The following ARHGAP15 variants were observed in gnomAD, a reference collection of about 807,000 sequenced individuals.
The protein encoded by ARHGAP15 is Rho GTPase activating protein 15.
Under a neutral mutation model 63.7 loss-of-function variants are expected in ARHGAP15, and 51 were observed. That is an observed-to-expected ratio of 0.80 (90% CI 0.64 to 1.01). ARHGAP15 has a LOEUF of 1.01. Among genes scored for constraint, ARHGAP15 ranks in the 50% least tolerant of loss-of-function variants. The probability of loss-of-function intolerance (pLI) is 0.00; values close to 1 mark genes in which losing one functional copy is unlikely to be tolerated. For synonymous variants in ARHGAP15, 191 were observed against 193.8 expected, an observed-to-expected ratio of 0.99 and a Z score of 0.12; for missense variants, 560 against 564.6, an observed-to-expected ratio of 0.99 and a Z score of 0.08.
At chr2:143,235,817 C>T in intron 5 of ARHGAP15, 1 of 1,060,796 alleles carries the variant, frequency 9.4e-7, no homozygotes, top group Non-Finnish European at 1.3e-6. Flanking sequence ...TCTTCTCAGG[C>T]CTTGACTCAC....
chr2:143,673,756 GTGTATATATATATA>G lies in ARHGAP15; in HGVS notation c.1139-29661_1139-29648del, dbSNP rs1340630660. ...TGTGTGTGTGTGTGTGTGTGTGTGT[GTGTATATATATATA>G]TATATATATATATAAACAACTCCTG... On this transcript the variant is annotated intron_variant, in intron 12 of 13. Coordinates refer to ENST00000295095, the MANE Select transcript of ARHGAP15 (RefSeq NM_018460.4). 3.9e-4 allele frequency among the ~76,000 whole-genome samples: 12 copies of G among 30,992 alleles called. No individual in the cohort carries two copies. The East Asian group carries it at 0.022, about 58-fold the overall frequency. 20.3% of individuals were successfully genotyped at this position (30,992 alleles called of 152,430 possible). A position where few individuals can be genotyped will look rare whatever the true frequency, so the allele number is the denominator to read the frequency against.
At chr2:143,683,023 C>A (rs1048125342) in intron 12 of ARHGAP15, 39 of 152,220 alleles carry the variant, frequency 2.6e-4, no homozygotes, top group African/African-American at 8.7e-4. Context: ...AAAAAGATTT[C>A]TTTAAGAAGA....
chr2:143,624,121 G>C lies in ARHGAP15; in HGVS notation c.1004-12G>C. 6.2e-7 allele frequency: 1 copy of C among 1,611,604 alleles called. No homozygotes were observed. Among genetic ancestry groups the C allele is most frequent in the South Asian group, 1.1e-5 (1 of 90,850 alleles). On this transcript the variant is annotated splice_polypyrimidine_tract_variant and intron_variant, in intron 11 of 13. Coordinates refer to ENST00000295095, the MANE Select transcript of ARHGAP15 (RefSeq NM_018460.4). ...AAAACCAGTTGTTCCATTTCTCCTC[G>C]TGTTTTCCCAGAAGAGAAGCTGAAT... is the stretch of plus-strand genomic sequence containing the variant.
chr2:143,402,564 T>G (rs942034533), intron 6 of ARHGAP15, among the ~76,000 whole-genome samples: 2 of 145,124 alleles, frequency 1.4e-5, no homozygotes, highest in African/African-American at 2.5e-5. Context: ...GCTAATTTTA[T>G]TTTCTAAATT....
chr2:143,572,371 T>C (rs151181243), intron 11 of ARHGAP15, among the ~76,000 whole-genome samples: 66 of 152,250 alleles, frequency 4.3e-4, no homozygotes, highest in Non-Finnish European at 8.2e-4. Flanking sequence ...ACTTTCTCCA[T>C]AGTCATACTC....
intron 8 of ARHGAP15, among the ~76,000 whole-genome samples, chr2:143,460,245 G>A (rs553433989): frequency 8.1e-4 from 124 of 152,286 alleles, no homozygotes; most frequent in Non-Finnish European, 2.6e-4. Flanking sequence ...CTCACAAAGT[G>A]TGTACTATGT....
chr2:143,538,024 T>C (rs1694860731), intron 10 of ARHGAP15, among the ~76,000 whole-genome samples: 1 of 152,246 alleles, frequency 6.6e-6, no homozygotes, highest in South Asian at 2.1e-4. Context: ...TAGAATATTC[T>C]TCCATTTGTT....
intron 8 of ARHGAP15, among the ~76,000 whole-genome samples, chr2:143,443,430 CCTT>C (rs1689987411): frequency 1.7e-4 from 1 of 5,798 alleles, no homozygotes; most frequent in Non-Finnish European, 5.6e-4. Context: ...GGTCACTCAC[CCTT>C]TTTTTTTTTT....
intron 8 of ARHGAP15, among the ~76,000 whole-genome samples, chr2:143,470,593 A>T (rs1574492813): frequency 1.3e-5 from 2 of 150,610 alleles, no homozygotes; most frequent in South Asian, 4.2e-4. Context: ...ACATATATAT[A>T]TGCATGTGTG....
intron 5 of ARHGAP15, among the ~76,000 whole-genome samples, chr2:143,248,333 A>G (rs967515871): frequency 6.6e-6 from 1 of 152,222 alleles, no homozygotes; most frequent in African/African-American, 2.4e-5. Context: ...GACCTACGGC[A>G]AGATCACGTT....
At chr2:143,669,786 G>A (rs1161114334) in intron 12 of ARHGAP15, among the ~76,000 whole-genome samples, 1 of 152,180 alleles carries the variant, frequency 6.6e-6, no homozygotes, top group African/African-American at 2.4e-5. Flanking sequence ...TATTCTGCTA[G>A]TCTGGGAAAA....
chr2:143,429,759 C>T (rs1003798102), intron 6 of ARHGAP15, among the ~76,000 whole-genome samples: 5 of 152,090 alleles, frequency 3.3e-5, no homozygotes, highest in African/African-American at 9.7e-5. Flanking sequence ...TCAGAAGAAA[C>T]AGAGTAATTA....
chr2:143,175,368 C>G (rs1182469079), intron 2 of ARHGAP15, among the ~76,000 whole-genome samples: 1 of 152,088 alleles, frequency 6.6e-6, no homozygotes, highest in African/African-American at 2.4e-5. Flanking sequence ...AGTTTTGGGA[C>G]AGGAAGAAAT....
At chr2:143,615,500 C>T (rs181881528) in intron 11 of ARHGAP15, among the ~76,000 whole-genome samples, 1 of 152,278 alleles carries the variant, frequency 6.6e-6, no homozygotes, top group Non-Finnish European at 1.5e-5. Flanking sequence ...TCATATATTA[C>T]ATCACTTAAA....
At chr2:143,144,120 A>G (rs1333094152) in intron 1 of ARHGAP15, among the ~76,000 whole-genome samples, 1 of 152,122 alleles carries the variant, frequency 6.6e-6, no homozygotes, top group Non-Finnish European at 1.5e-5. Flanking sequence ...ACTGTATAGT[A>G]TTCCATAGTG....
At chr2:143,702,674 G>A (rs1684142127) in intron 12 of ARHGAP15, among the ~76,000 whole-genome samples, 1 of 152,156 alleles carries the variant, frequency 6.6e-6, no homozygotes, top group African/African-American at 2.4e-5. Flanking sequence ...AAACTGAAGA[G>A]GTTGGTAGGC....
At chr2:143,718,568 G>C (rs1684912037) in intron 13 of ARHGAP15, among the ~76,000 whole-genome samples, 1 of 152,182 alleles carries the variant, frequency 6.6e-6, no homozygotes, top group African/African-American at 2.4e-5. Context: ...CCTTGGTATA[G>C]AGGTTCCTGT....
At chr2:143,519,211 TAAAG>T in intron 9 of ARHGAP15, 51 bp from the exon 10 acceptor site, 12 of 1,358,006 alleles carry the variant, frequency 8.8e-6, no homozygotes, top group Non-Finnish European at 1.3e-5. Context: ...GGAATCAAAT[TAAAG>T]AACAACGCAA....
chr2:143,225,328 G>A (rs373352731), intron 4 of ARHGAP15, among the ~76,000 whole-genome samples: 3 of 152,096 alleles, frequency 2.0e-5, no homozygotes, highest in African/African-American at 7.2e-5. Flanking sequence ...GCGGCCGGGC[G>A]CGGTGGCTCA....
Sources: gnomAD v4.1 joint callset for allele counts (sites outside exome capture counted in the v4.1 genomes callset) on GRCh38, gnomAD v4.1.1 for gene constraint, MANE v1.5 for transcripts, NCBI Gene and HGNC (gene_info 2026-07-23, HGNC 2026-07-21) for gene names.